The following CCDC9 variants were observed in gnomAD, a reference collection of about 807,000 sequenced individuals.
The protein encoded by CCDC9 is coiled-coil domain containing 9.
Under a neutral mutation model 65.6 loss-of-function variants are expected in CCDC9, and 52 were observed. The ratio of observed to expected loss-of-function variants is 0.79; its 90% CI spans 0.63 to 1.00. CCDC9 has a LOEUF of 1.00. CCDC9 is among the 50% of genes least tolerant of loss of function. The probability of loss-of-function intolerance (pLI) is 0.00; values close to 1 mark genes in which losing one functional copy is unlikely to be tolerated. For synonymous variants in CCDC9, 332 were observed against 280.3 expected (o/e 1.18, Z -1.84); for missense variants, 834 against 757.2 (o/e 1.10, Z -1.19).
chr19:47,264,490 C>G (rs553977324), intron 5 of CCDC9, 113 bp from the exon 6 acceptor site: 26 of 976,704 alleles, frequency 2.7e-5, no homozygotes, highest in Non-Finnish European at 3.9e-5. Context: ...TGGTCAGATG[C>G]CAGCAGGCCA....
intron 8 of CCDC9, 27 bp from the exon 9 acceptor site, chr19:47,270,380 C>T: frequency 6.2e-7 from 1 of 1,613,024 alleles, no homozygotes; most frequent in African/African-American, 1.3e-5. Flanking sequence ...CCCCCAGCTG[C>T]CCGCTCACCC....
Position 47,269,542 on chromosome 19 carries a change from G to A in CCDC9, c.903-865G>A, listed in dbSNP as rs2059102610. Among the ~76,000 whole-genome samples, 2 of 151,968 alleles carry A rather than the reference G, an allele frequency of 1.3e-5. 1 individual carries two copies. The highest frequency in any genetic ancestry group is 4.1e-4 in the South Asian group (2 of 4,824). ...ATTTTTGTATTTTTAGTAGAGATGGGGTTTCACCCTGGTCTCGAACTCCTG... is the reference window on the plus strand; with the variant it reads ...ATTTTTGTATTTTTAGTAGAGATGGAGTTTCACCCTGGTCTCGAACTCCTG... On this transcript the variant is annotated intron_variant, in intron 8 of 11. Transcript: ENST00000221922.
intron 3 of CCDC9, among the ~76,000 whole-genome samples, chr19:47,258,900 T>C (rs919200161): frequency 2.6e-5 from 4 of 152,210 alleles, no homozygotes; most frequent in Admixed American, 2.6e-4. Context: ...GGGATATAGC[T>C]GTGACTGAGA....
intron 1 of CCDC9, among the ~76,000 whole-genome samples, chr19:47,256,913 G>A (rs1168818416): frequency 6.6e-6 from 1 of 151,850 alleles, no homozygotes; most frequent in South Asian, 2.1e-4. Context: ...TCGGACGCCG[G>A]GCGGAAGCTC....
Position 47,258,084 on chromosome 19 carries a change from C to T in CCDC9, c.-71-246C>T, listed in dbSNP as rs143361444. 1.2e-3 allele frequency: 573 copies of T among 458,882 alleles called. 5 individuals carry two copies. Among genetic ancestry groups the T allele is most frequent in the African/African-American group, 0.011 (541 of 50,588 alleles). 28.4% of individuals were successfully genotyped at this position (458,882 alleles called of 1,614,324 possible). A position where few individuals can be genotyped will look rare whatever the true frequency, so the allele number is the denominator to read the frequency against. On this transcript the variant is annotated intron_variant, in intron 1 of 11. Coordinates refer to ENST00000221922, the MANE Select transcript of CCDC9 (RefSeq NM_015603.3). Reference sequence around the variant, plus strand: ...GCAGTGGGTGGGGGCCAGAACATCCCCAAGGTGGGTTTGACTAGATCGTTT... The same window carrying T: ...GCAGTGGGTGGGGGCCAGAACATCCTCAAGGTGGGTTTGACTAGATCGTTT...
intron 8 of CCDC9, among the ~76,000 whole-genome samples, chr19:47,267,314 G>A (rs1283216317): frequency 2.6e-5 from 4 of 151,796 alleles, no homozygotes; most frequent in Admixed American, 2.6e-4. Flanking sequence ...TAGCTCTGTC[G>A]CCCAGGCTGG....
downstream of CCDC9, chr19:47,275,594 C>G: frequency 1.8e-6 from 1 of 550,390 alleles, no homozygotes; most frequent in Non-Finnish European, 3.2e-6. Flanking sequence ...CTGTCTCCTG[C>G]CCCTCCTGCT....
chr19:47,266,737 C>T lies in CCDC9; in HGVS notation c.847C>T (p.Arg283Cys). 4 of 1,611,920 alleles carry T rather than the reference C, an allele frequency of 2.5e-6. No individual in the cohort carries two copies. In the South Asian group the frequency reaches 3.3e-5, roughly 13 times the overall value. Reference protein sequence around the residue: ...KIDQERLQRHRKPTGQWRREW... With the variant: ...KIDQERLQRHCKPTGQWRREW... ...CGACCAGGAGCGGCTGCAGAGGCAC[C>T]GCAAGCCCACTGGCCAGTGGAGGCG... is the stretch of plus-strand genomic sequence containing the variant. The change falls in exon 8 of 12, where the codon CGC becomes TGC. Residue 283 changes from arginine to cysteine, a missense_variant. Transcript: ENST00000221922.
Position 47,271,158 on chromosome 19 carries a change from G to A in CCDC9, c.1162G>A (p.Glu388Lys), listed in dbSNP as rs940825385. ...TGAGACTCCACAGCCTACTTCCCCC[G>A]AGACTTCCCCCAAGGAGACACCCAT... Reference protein sequence around the residue: ...APETPQPTSPETSPKETPMQP... With the variant: ...APETPQPTSPKTSPKETPMQP... The change falls in exon 11 of 12, where the codon GAG (glutamate) becomes AAG (lysine). Residue 388 changes from glutamate (E) to lysine (K), a missense_variant. Transcript: ENST00000221922. 2.5e-6 allele frequency: 4 copies of A among 1,593,626 alleles called. No individual in the cohort carries two copies. Among genetic ancestry groups the A allele is most frequent in the East Asian group, 4.5e-5 (2 of 44,306 alleles).
chr19:47,275,329 A>T (rs1322659580), downstream of CCDC9: 6 of 1,545,630 alleles, frequency 3.9e-6, no homozygotes, highest in South Asian at 7.1e-5. Context: ...GAGGCCGCGG[A>T]GGGGCGAAGA....
intron 3 of CCDC9, among the ~76,000 whole-genome samples, chr19:47,260,044 T>C (rs1158740469): frequency 6.6e-6 from 1 of 151,872 alleles, no homozygotes; most frequent in African/African-American, 2.4e-5. Context: ...GGAGTGATCG[T>C]GGGGAGAGGG....
intron 10 of CCDC9, 114 bp from the exon 11 acceptor site, chr19:47,270,968 C>T: frequency 1.2e-6 from 1 of 843,312 alleles, no homozygotes; most frequent in Non-Finnish European, 1.9e-6. Context: ...TCCCTCAGCC[C>T]TCCACCATGC....
intron 3 of CCDC9, among the ~76,000 whole-genome samples, chr19:47,260,080 A>G (rs1281101730): frequency 6.6e-6 from 1 of 152,194 alleles, no homozygotes; most frequent in African/African-American, 2.4e-5. Flanking sequence ...GGGAGGTACC[A>G]AGGCCAGACC....
intron 8 of CCDC9, among the ~76,000 whole-genome samples, chr19:47,268,399 G>A (rs1003558880): frequency 6.6e-6 from 1 of 152,006 alleles, no homozygotes; most frequent in Admixed American, 6.6e-5. Context: ...TTTGGCTTTG[G>A]CTAAGGAGGA....
At chr19:47,265,156 C>T (rs997567420) in intron 7 of CCDC9, among the ~76,000 whole-genome samples, 6 of 152,082 alleles carry the variant, frequency 3.9e-5, no homozygotes, top group Non-Finnish European at 7.4e-5. Flanking sequence ...CTCCTGGGCT[C>T]AAGCAATTCT....
At chr19:47,264,473 G>C (rs945509417) in intron 5 of CCDC9, 130 bp from the exon 6 acceptor site, 5 of 830,688 alleles carry the variant, frequency 6.0e-6, no homozygotes, top group Non-Finnish European at 9.8e-6. Context: ...AGCACGCTGA[G>C]AGCAAATGGT....
intron 8 of CCDC9, among the ~76,000 whole-genome samples, chr19:47,267,313 C>T (rs1278799350): frequency 3.9e-5 from 6 of 152,088 alleles, no homozygotes; most frequent in East Asian, 1.9e-4. Context: ...CTAGCTCTGT[C>T]GCCCAGGCTG....
intron 10 of CCDC9, among the ~76,000 whole-genome samples, 182 bp downstream of exon 10, chr19:47,270,870 G>A (rs1421425186): frequency 6.6e-6 from 1 of 152,046 alleles, no homozygotes; most frequent in Non-Finnish European, 1.5e-5. Context: ...ACCCTCATCT[G>A]TCCCCTTTCT....
intron 1 of CCDC9, among the ~76,000 whole-genome samples, chr19:47,257,155 G>A (rs1428002297): frequency 6.6e-6 from 1 of 151,830 alleles, no homozygotes; most frequent in African/African-American, 2.4e-5. Flanking sequence ...GGGAAGCGGG[G>A]AGTTGAGCCA....
Sources: allele counts gnomAD v4.1 joint callset (sites outside exome capture counted in the v4.1 genomes callset), GRCh38; gene constraint gnomAD v4.1.1; transcripts MANE v1.5; gene names NCBI Gene and HGNC (gene_info 2026-07-23, HGNC 2026-07-21).